The following REPS2 variants were observed in gnomAD, a reference collection of about 807,000 sequenced individuals.
The protein encoded by REPS2 is RALBP1 associated Eps domain containing 2.
In REPS2, 23 loss-of-function variants were observed where a neutral mutation model predicts 53.6. The observed-to-expected ratio is 0.43, with a 90% CI of 0.31 to 0.61. The LOEUF (loss-of-function observed/expected upper bound fraction) is 0.61. Ranked by LOEUF, REPS2 falls within the 20% of genes least tolerant of loss-of-function variation. The pLI is 0.11. For missense variants in REPS2, 446 were observed against 534.9 expected (o/e 0.83, Z 1.64); for synonymous variants, 238 against 218.6 (o/e 1.09, Z -0.78).
chrX:17,125,178 CT>C (rs932577934), intron 14 of REPS2, among the ~76,000 whole-genome samples: 2 of 109,457 alleles, frequency 1.8e-5, no homozygotes, highest in African/African-American at 6.6e-5. Flanking sequence ...TGGGATTTGA[CT>C]TTTTTTTTGG....
chrX:17,050,587 G>A (rs757263878), intron 6 of REPS2, among the ~76,000 whole-genome samples: 11 of 111,267 alleles, frequency 9.9e-5, no homozygotes, highest in African/African-American at 1.6e-4. Context: ...TGTGCTGTTC[G>A]CACAATGAGG....
In REPS2 at chrX:17,029,637, C is replaced by T. The variant is rs764556135; in HGVS notation, c.771+14C>T. ...TCCCTTATCCGGGTAAGTGATGATG[C>T]AGGGTTATGCCAATGGGACAGTAGA... is the stretch of plus-strand genomic sequence containing the variant. On this transcript the variant is annotated intron_variant, in intron 5 of 17. Transcript: ENST00000357277. 9 of 1,140,077 alleles carry T rather than the reference C, an allele frequency of 7.9e-6. No individual in the cohort carries two copies. In the East Asian group the frequency reaches 2.7e-4, roughly 34 times the overall value. The allele number at this position is 1,140,077 out of a possible 1,213,427, so 94.0% of individuals were successfully genotyped here. A position where few individuals can be genotyped will look rare whatever the true frequency, so the allele number is the denominator to read the frequency against.
intron 1 of REPS2, among the ~76,000 whole-genome samples, chrX:16,974,388 A>G (rs771056528): frequency 9.0e-6 from 1 of 111,428 alleles, no homozygotes; most frequent in Non-Finnish European, 1.9e-5. Context: ...GCTCATGCCT[A>G]CAATCCTAGC....
chrX:17,167,582 T>A, the REPS2 span, among the ~76,000 whole-genome samples: 2 of 107,472 alleles, frequency 1.9e-5, no homozygotes, highest in African/African-American at 3.4e-5. Context: ...ACAACTAGAT[T>A]AAAAGATTCT....
intron 11 of REPS2, among the ~76,000 whole-genome samples, chrX:17,072,578 C>T (rs1158910263): frequency 6.2e-5 from 7 of 112,812 alleles, no homozygotes; most frequent in African/African-American, 2.3e-4. Flanking sequence ...AAGGAATTAA[C>T]AGTCACCATG....
rs182113589 is a variant in REPS2, at chrX:17,074,950, A to G, written c.1379+791A>G. Among the ~76,000 whole-genome samples the G allele has an allele frequency of 8.0e-5, 9 of 111,996 alleles. No homozygotes were observed. In the East Asian group the frequency reaches 1.1e-3, roughly 14 times the overall value. ...TGAAAAAGTAAATTTAAGTCTGATC[A>G]TATTTTATATGCTTGAAATACTGAT... is the stretch of plus-strand genomic sequence containing the variant. On this transcript the variant is annotated intron_variant, in intron 12 of 17. Transcript: ENST00000357277.
In REPS2 at chrX:16,951,559, A is replaced by ACACC. The variant is rs879259718; in HGVS notation, c.273+4426_273+4427insACCC. Among the ~76,000 whole-genome samples, 321 of 37,496 alleles carry ACACC rather than the reference A, an allele frequency of 8.6e-3. 3 individuals are homozygous for ACACC. The highest frequency in any genetic ancestry group is 0.02 in the South Asian group (9 of 445). The allele number at this position is 37,496 out of a possible 115,157, so 32.6% of individuals were successfully genotyped here. ...CACACACACACACACACACACACACACCCCCGCTACCTACCTCTCTCTGGG... is the reference window on the plus strand; with the variant it reads ...CACACACACACACACACACACACACACACCCCCCCGCTACCTACCTCTCTCTGGG... On this transcript the variant is annotated intron_variant, in intron 1 of 17. Transcript: ENST00000357277.
intron 6 of REPS2, among the ~76,000 whole-genome samples, chrX:17,050,982 A>G (rs2061994563): frequency 9.0e-6 from 1 of 110,680 alleles, no homozygotes; most frequent in Admixed American, 9.6e-5. Flanking sequence ...CCCATTAGCA[A>G]TCCCCGCCTC....
At chrX:16,998,962 A>G (rs1339942371) in intron 1 of REPS2, among the ~76,000 whole-genome samples, 2 of 112,571 alleles carry the variant, frequency 1.8e-5, no homozygotes, top group Non-Finnish European at 3.7e-5. Flanking sequence ...CTTAGCTTCA[A>G]TAGAGTCTAG....
intron 1 of REPS2, among the ~76,000 whole-genome samples, chrX:16,956,882 C>T (rs1391703521): frequency 8.9e-6 from 1 of 112,332 alleles, no homozygotes; most frequent in Non-Finnish European, 1.9e-5. Flanking sequence ...GCCATTTTAA[C>T]AGACTTGAGA....
At chrX:16,972,758 G>A (rs1043684444) in intron 1 of REPS2, among the ~76,000 whole-genome samples, 10 of 111,878 alleles carry the variant, frequency 8.9e-5, no homozygotes, top group Non-Finnish European at 1.9e-4. Flanking sequence ...CATCAATCTA[G>A]TAGGAATATT....
At chrX:17,143,955 C>T (rs1293788589) in intron 17 of REPS2, among the ~76,000 whole-genome samples, 2 of 112,160 alleles carry the variant, frequency 1.8e-5, no homozygotes, top group Non-Finnish European at 3.8e-5. Context: ...CTTCTTTGCT[C>T]ATATTTAAAA....
At chrX:17,026,026 G>A (rs2061640481) in intron 4 of REPS2, among the ~76,000 whole-genome samples, 1 of 111,649 alleles carries the variant, frequency 9.0e-6, no homozygotes, top group East Asian at 2.8e-4. Context: ...ACTTTTAGAG[G>A]GACACAGAAA....
intron 11 of REPS2, among the ~76,000 whole-genome samples, chrX:17,072,786 G>C (rs949817261): frequency 1.8e-5 from 2 of 112,015 alleles, no homozygotes; most frequent in Non-Finnish European, 3.8e-5. Context: ...AGCTGGGAGA[G>C]AGGCTTCCTG....
intron 1 of REPS2, among the ~76,000 whole-genome samples, chrX:16,964,088 G>A (rs1298542115): frequency 9.6e-6 from 1 of 104,362 alleles, no homozygotes; most frequent in Non-Finnish European, 2.0e-5. Flanking sequence ...GGGGGATTTG[G>A]CAGGGTCACA....
chrX:17,069,059 C>T (rs1286363669), intron 10 of REPS2, among the ~76,000 whole-genome samples: 2 of 111,564 alleles, frequency 1.8e-5, no homozygotes. Context: ...GGGACCCTCT[C>T]CCCCACCTCC....
At chrX:17,042,006 A>G (rs2061836836) in intron 5 of REPS2, among the ~76,000 whole-genome samples, 1 of 112,339 alleles carries the variant, frequency 8.9e-6, no homozygotes, top group Non-Finnish European at 1.9e-5. Flanking sequence ...ATAACTTGCC[A>G]TGCCAAATAT....
At chrX:17,108,433 A>G (rs998150290) in intron 14 of REPS2, among the ~76,000 whole-genome samples, 1 of 110,026 alleles carries the variant, frequency 9.1e-6, no homozygotes, top group Non-Finnish European at 1.9e-5. Context: ...CAGCCTCCCA[A>G]AGTGCTGGGA....
chrX:17,124,311 G>A (rs760283751), intron 14 of REPS2, among the ~76,000 whole-genome samples: 13 of 112,358 alleles, frequency 1.2e-4, no homozygotes, highest in African/African-American at 3.9e-4. Flanking sequence ...TGCAGCTTAG[G>A]TATCAAGAAA....
Sources: allele counts gnomAD v4.1 joint callset (sites outside exome capture counted in the v4.1 genomes callset), GRCh38; gene constraint gnomAD v4.1.1; transcripts MANE v1.5; gene names NCBI Gene and HGNC (gene_info 2026-07-23, HGNC 2026-07-21).